Variants in SMIM36 observed in about 807,000 individuals in gnomAD.
SMIM36 encodes the protein small integral membrane protein 36.
the SMIM36 span, among the ~76,000 whole-genome samples, chr17:55,524,387 A>G: frequency 6.6e-6 from 1 of 152,182 alleles, no homozygotes; most frequent in South Asian, 2.1e-4. Flanking sequence ...GATCATACAC[A>G]GCATGTATCT....
chr17:55,484,903 A>G (rs576732386), intron 1 of SMIM36, among the ~76,000 whole-genome samples: 2 of 150,774 alleles, frequency 1.3e-5, no homozygotes, highest in East Asian at 2.0e-4. Context: ...AGATTAAAGG[A>G]GAGTTAAGAA....
chr17:55,516,405 A>G (rs1213561258), upstream of SMIM36, among the ~76,000 whole-genome samples: 1 of 152,176 alleles, frequency 6.6e-6, no homozygotes, highest in Non-Finnish European at 1.5e-5. Context: ...CAAAGTCCAT[A>G]GACTTTGAGC....
At chr17:55,477,975 A>G (rs1909453744) in intron 3 of SMIM36, among the ~76,000 whole-genome samples, 1 of 152,032 alleles carries the variant, frequency 6.6e-6, no homozygotes, top group African/African-American at 2.4e-5. Flanking sequence ...TTCCAGCCTA[A>G]ACAAAGGGAG....
At chr17:55,518,111 T>C in the SMIM36 span, among the ~76,000 whole-genome samples, 1 of 152,158 alleles carries the variant, frequency 6.6e-6, no homozygotes, top group African/African-American at 2.4e-5. Context: ...TTCTGGAAAA[T>C]GGGAGATCTA....
intron 4 of SMIM36, among the ~76,000 whole-genome samples, chr17:55,457,147 T>A (rs1909038398): frequency 6.6e-6 from 1 of 152,156 alleles, no homozygotes; most frequent in Non-Finnish European, 1.5e-5. Context: ...TAAATCTGCC[T>A]TATTAGAAAA....
intron 4 of SMIM36, among the ~76,000 whole-genome samples, chr17:55,462,657 C>T (rs1292069428): frequency 6.6e-6 from 1 of 152,086 alleles, no homozygotes; most frequent in Non-Finnish European, 1.5e-5. Flanking sequence ...AAAAATCTGG[C>T]ATGCAGCGTT....
chr17:55,525,040 T>G, the SMIM36 span, among the ~76,000 whole-genome samples: 1 of 152,346 alleles, frequency 6.6e-6, no homozygotes, highest in African/African-American at 2.4e-5. Context: ...CAAGGTCGTA[T>G]GTTTTTATGT....
the SMIM36 span, among the ~76,000 whole-genome samples, chr17:55,520,871 C>A: frequency 1.3e-5 from 2 of 152,158 alleles, no homozygotes; most frequent in Non-Finnish European, 2.9e-5. Flanking sequence ...TGGCTCACAC[C>A]TGTAATCCCA....
At chr17:55,508,928 C>CAAAAAAAAAAAAAAAAAAAAA (rs35834283) in intron 1 of SMIM36, among the ~76,000 whole-genome samples, 1 of 97,046 alleles carries the variant, frequency 1.0e-5, no homozygotes, top group Non-Finnish European at 2.1e-5. Context: ...TGTCTCAGAA[C>CAAAAAAAAAAAAAAAAAAAAA]AAAAAAAAAA....
At chr17:55,487,515 A>G (rs749669722) in intron 1 of SMIM36, among the ~76,000 whole-genome samples, 2 of 152,152 alleles carry the variant, frequency 1.3e-5, no homozygotes, top group Non-Finnish European at 2.9e-5. Context: ...TGCCAGCAAA[A>G]ATTCCAGAGG....
intron 1 of SMIM36, among the ~76,000 whole-genome samples, chr17:55,497,562 G>A (rs1909831565): frequency 2.6e-5 from 4 of 152,012 alleles, no homozygotes; most frequent in African/African-American, 9.7e-5. Context: ...ACTATGCCCA[G>A]CCTACCCTCT....
chr17:55,467,250 T>C (rs1398781479), exon 4 of SMIM36: 1 of 152,182 alleles, frequency 6.6e-6, no homozygotes, highest in Non-Finnish European at 1.5e-5. Flanking sequence ...CAGTGGGGCT[T>C]GTTAAGAGCT....
At chr17:55,484,386 C>T (rs937192111) in intron 1 of SMIM36, among the ~76,000 whole-genome samples, 2 of 152,094 alleles carry the variant, frequency 1.3e-5, no homozygotes, top group Non-Finnish European at 2.9e-5. Flanking sequence ...TTTCTAACAT[C>T]GAATGTAATA....
chr17:55,524,249 G>A, the SMIM36 span, among the ~76,000 whole-genome samples: 22 of 152,122 alleles, frequency 1.4e-4, no homozygotes, highest in Non-Finnish European at 2.8e-4. Context: ...CAAAAGATAT[G>A]ATCTCATTCT....
Position 55,501,206 on chromosome 17 carries a change from A to G in SMIM36, c.*174+9673T>C, listed in dbSNP as rs796378230. ...ATATATAATATATCTTATATATTAT[A>G]ATATATAATATATATTATATATTAT... On this transcript the variant is annotated intron_variant, in intron 1 of 4. Transcript: ENST00000636752. 1.4e-4 allele frequency among the ~76,000 whole-genome samples: 2 copies of G among 13,814 alleles called. 1 individual carries two copies. Among genetic ancestry groups the G allele is most frequent in the Non-Finnish European group, 1.8e-4 (2 of 11,058 alleles). 9.1% of individuals were successfully genotyped at this position (13,814 alleles called of 152,430 possible). A position where few individuals can be genotyped will look rare whatever the true frequency, so the allele number is the denominator to read the frequency against.
At chr17:55,476,059 T>C (rs1909421249) in intron 3 of SMIM36, among the ~76,000 whole-genome samples, 2 of 152,154 alleles carry the variant, frequency 1.3e-5, no homozygotes, top group African/African-American at 4.8e-5. Flanking sequence ...GTTTTTCTTA[T>C]TAATATAAGA....
intron 3 of SMIM36, among the ~76,000 whole-genome samples, chr17:55,478,215 G>C (rs1025982551): frequency 1.3e-5 from 2 of 150,854 alleles, no homozygotes; most frequent in African/African-American, 2.4e-5. Flanking sequence ...AGTACCTGTT[G>C]TTACGTTGTG....
At chr17:55,472,190 G>A (rs1909350048) in intron 3 of SMIM36, among the ~76,000 whole-genome samples, 2 of 152,050 alleles carry the variant, frequency 1.3e-5, no homozygotes, top group Non-Finnish European at 2.9e-5. Flanking sequence ...GACCACACTT[G>A]GTTTATCGAT....
intron 1 of SMIM36, among the ~76,000 whole-genome samples, chr17:55,496,016 A>AT (rs1909800586): frequency 6.6e-6 from 1 of 152,056 alleles, no homozygotes; most frequent in African/African-American, 2.4e-5. Flanking sequence ...CTGCGTATAC[A>AT]TTTTTGTCTC....
Sources: allele counts gnomAD v4.1 joint callset (sites outside exome capture counted in the v4.1 genomes callset), GRCh38; gene constraint gnomAD v4.1.1; transcripts MANE v1.5; gene names NCBI Gene and HGNC (gene_info 2026-07-23, HGNC 2026-07-21).